Variants in PKD2 observed in about 807,000 individuals in gnomAD.
The protein encoded by PKD2 is polycystin 2, transient receptor potential cation channel.
PKD2 carries 48 observed loss-of-function variants against 105.9 expected under a neutral mutation model. The observed-to-expected ratio is 0.45, with a 90% CI of 0.36 to 0.58. The LOEUF is 0.58. PKD2 is among the 20% of genes least tolerant of loss of function. PKD2 has a pLI of 0.00. For synonymous variants in PKD2, 464 were observed against 481.1 expected, an observed-to-expected ratio of 0.96 and a Z score of 0.46; for missense variants, 1,078 against 1,255.3, an observed-to-expected ratio of 0.86 and a Z score of 2.13.
At chr4:88,022,808 C>G (rs971093091) in intron 2 of PKD2, among the ~76,000 whole-genome samples, 3 of 152,168 alleles carry the variant, frequency 2.0e-5, no homozygotes, top group Non-Finnish European at 4.4e-5. Flanking sequence ...TTTGGCCAGG[C>G]ACTGTGGATC....
At chr4:88,029,599 A>G (rs887945639) in intron 2 of PKD2, among the ~76,000 whole-genome samples, 2 of 152,000 alleles carry the variant, frequency 1.3e-5, no homozygotes, top group Non-Finnish European at 2.9e-5. Context: ...CTTCTTTCCT[A>G]TATCGCTCTT....
At chr4:88,035,919 A>G in intron 2 of PKD2, 4 of 405,664 alleles carry the variant, frequency 9.9e-6, no homozygotes, top group Non-Finnish European at 1.9e-5. Context: ...GAAATCGAGT[A>G]GGCATGTTGG....
intron 4 of PKD2, among the ~76,000 whole-genome samples, chr4:88,039,554 A>G (rs553348989): frequency 6.6e-6 from 1 of 151,384 alleles, no homozygotes; most frequent in South Asian, 2.1e-4. Context: ...AGTCACAGCT[A>G]TTCGGGAGGC....
In PKD2 at chr4:88,015,439, G is replaced by C. The variant is rs570857642; in HGVS notation, c.596-4019G>C. On this transcript the variant is annotated intron_variant, in intron 1 of 14. Transcript: ENST00000237596. ...GTAGTTATTTATTTATTTAGACGGA[G>C]TTTCACTCTTTTGCCCAGGTTGGAG... 5.3e-5 allele frequency among the ~76,000 whole-genome samples: 8 copies of C among 152,340 alleles called. No homozygotes were observed. The South Asian group carries it at 1.2e-3, about 24-fold the overall frequency.
intron 7 of PKD2, among the ~76,000 whole-genome samples, chr4:88,052,426 A>G (rs1351936851): frequency 6.6e-6 from 1 of 151,786 alleles, no homozygotes; most frequent in Non-Finnish European, 1.5e-5. Context: ...GTGCCACCAT[A>G]CCCGGCTAAT....
chr4:88,022,372 C>G (rs557108102), intron 2 of PKD2, among the ~76,000 whole-genome samples: 2 of 152,332 alleles, frequency 1.3e-5, no homozygotes, highest in East Asian at 1.9e-4. Context: ...CTAAGAACAT[C>G]AGTCCATTAA....
intron 1 of PKD2, among the ~76,000 whole-genome samples, chr4:88,012,080 A>G (rs1726403490): frequency 6.6e-6 from 1 of 152,144 alleles, no homozygotes; most frequent in African/African-American, 2.4e-5. Flanking sequence ...CTCCCACCCA[A>G]ATTGCCAGGA....
chr4:88,011,863 A>T (rs567141998), intron 1 of PKD2, among the ~76,000 whole-genome samples: 1 of 120,004 alleles, frequency 8.3e-6, no homozygotes, highest in Non-Finnish European at 1.6e-5. Context: ...CATCACGAGC[A>T]GAGCTTTATC....
intron 13 of PKD2, among the ~76,000 whole-genome samples, chr4:88,073,079 G>GT (rs1721094467): frequency 7.0e-6 from 1 of 143,442 alleles, no homozygotes; most frequent in Non-Finnish European, 1.5e-5. Context: ...GGCTGGGCAT[G>GT]GTGGCTCATG....
In PKD2 at chr4:88,007,840, T is replaced by TGGGCGCCAGCCTCGCCGCCCC. The variant is rs1726227211; in HGVS notation, c.113_133dup (p.Ala38_Gly44dup). ...CGGCTGATGGCTGGCTGCGCGGCCG[T>TGGGCGCCAGCCTCGCCGCCCC]GGGCGCCAGCCTCGCCGCCCCGGGC... is the stretch of plus-strand genomic sequence containing the variant. On this transcript the variant is annotated inframe_insertion, in exon 1 of 15. Coordinates refer to ENST00000237596, the MANE Select transcript of PKD2 (RefSeq NM_000297.4). The TGGGCGCCAGCCTCGCCGCCCC allele has an allele frequency of 3.3e-6, 4 of 1,205,872 alleles. No individual in the cohort carries two copies. In the South Asian group the frequency reaches 1.2e-4, roughly 35 times the overall value. The allele number at this position is 1,205,872 out of a possible 1,614,324, so 74.7% of individuals were successfully genotyped here. A position where few individuals can be genotyped will look rare whatever the true frequency, so the allele number is the denominator to read the frequency against.
At position 88,012,058 on chromosome 4, in the gene PKD2, C is replaced by T. The variant is rs184822522; in HGVS notation, c.595+3730C>T. Among the ~76,000 whole-genome samples, 20 of 152,304 alleles carry T rather than the reference C, an allele frequency of 1.3e-4. No homozygotes were observed. In the East Asian group the frequency reaches 3.3e-3, roughly 25 times the overall value. On this transcript the variant is annotated intron_variant, in intron 1 of 14. Coordinates refer to ENST00000237596, the MANE Select transcript of PKD2 (RefSeq NM_000297.4). ...AGTACAGCCACCCCACACACACACA[C>T]TACAAAGCATTCTCCCACCCAAATT...
chr4:88,019,331 A>G, intron 1 of PKD2, 127 bp from the exon 2 acceptor site: 1 of 437,940 alleles, frequency 2.3e-6, no homozygotes, highest in Non-Finnish European at 4.0e-6. Flanking sequence ...AATGTGATTA[A>G]AAAAAAAAAA....
At chr4:88,056,405 TC>T in intron 8 of PKD2, 138 bp downstream of exon 8, 1 of 637,804 alleles carries the variant, frequency 1.6e-6, no homozygotes, top group Non-Finnish European at 2.7e-6. Context: ...AATTACCTTT[TC>T]CCAAAACATT....
At chr4:88,030,116 TG>T (rs1727092717) in intron 2 of PKD2, among the ~76,000 whole-genome samples, 2 of 152,342 alleles carry the variant, frequency 1.3e-5, no homozygotes, top group Middle Eastern at 6.8e-3. Flanking sequence ...CTGCTGTTTC[TG>T]GAACCAGATT....
intron 12 of PKD2, among the ~76,000 whole-genome samples, chr4:88,066,601 C>T (rs1169208258): frequency 6.6e-6 from 1 of 152,068 alleles, no homozygotes; most frequent in African/African-American, 2.4e-5. Flanking sequence ...AATCTGCCCA[C>T]CTTGGCCTCC....
chr4:88,069,423 T>A (rs1720929720), intron 13 of PKD2, among the ~76,000 whole-genome samples: 1 of 152,110 alleles, frequency 6.6e-6, no homozygotes, highest in South Asian at 2.1e-4. Flanking sequence ...TAAATTTTTT[T>A]AATGATTTTT....
intron 9 of PKD2, among the ~76,000 whole-genome samples, chr4:88,061,471 C>T (rs1439932088): frequency 6.6e-6 from 1 of 152,150 alleles, no homozygotes; most frequent in Non-Finnish European, 1.5e-5. Flanking sequence ...GGCACAGTGG[C>T]TCACGCTTGC....
chr4:88,054,803 T>C (rs962673605), intron 7 of PKD2, among the ~76,000 whole-genome samples: 4 of 151,908 alleles, frequency 2.6e-5, no homozygotes, highest in Admixed American at 1.3e-4. Context: ...TACAGGCGGC[T>C]GCCACCACGC....
chr4:88,050,161 A>C (rs1019226208), intron 6 of PKD2, among the ~76,000 whole-genome samples: 1 of 151,880 alleles, frequency 6.6e-6, no homozygotes, highest in Non-Finnish European at 1.5e-5. Context: ...TTTTTAGTAG[A>C]GACAGGGTTT....
Sources: allele counts gnomAD v4.1 joint callset (sites outside exome capture counted in the v4.1 genomes callset), GRCh38; gene constraint gnomAD v4.1.1; transcripts MANE v1.5; gene names NCBI Gene and HGNC (gene_info 2026-07-23, HGNC 2026-07-21).